Variants in SPATA7 observed in about 807,000 individuals in gnomAD.
SPATA7 encodes spermatogenesis-associated protein 7.
A neutral mutation model predicts 51.8 loss-of-function variants in SPATA7; 43 were observed. The ratio of observed to expected loss-of-function variants is 0.83; its 90% CI spans 0.65 to 1.07. The LOEUF (loss-of-function observed/expected upper bound fraction) is 1.07, where lower values mean the gene tolerates loss of function less well. Among genes scored for constraint, SPATA7 ranks in the 50% least tolerant of loss-of-function variants. The pLI is 0.00. For synonymous variants in SPATA7, 230 were observed against 252.8 expected (o/e 0.91, Z 0.86); for missense variants, 683 against 701.3 (o/e 0.97, Z 0.30).
chr14:88,435,823 CATTT>C (rs2077071770), intron 10 of SPATA7, among the ~76,000 whole-genome samples: 1 of 152,080 alleles, frequency 6.6e-6, no homozygotes, highest in Admixed American at 6.6e-5. Flanking sequence ...TTTATCCATT[CATTT>C]GTTAATGGAC....
intron 5 of SPATA7, among the ~76,000 whole-genome samples, chr14:88,419,248 C>G (rs1289652782): frequency 1.3e-5 from 2 of 151,952 alleles, no homozygotes; most frequent in Non-Finnish European, 2.9e-5. Context: ...ATTAGAGATA[C>G]AGAATACAGA....
downstream of SPATA7, among the ~76,000 whole-genome samples, chr14:88,439,539 A>C (rs762827693): frequency 6.6e-6 from 1 of 152,214 alleles, no homozygotes; most frequent in Admixed American, 6.5e-5. Flanking sequence ...TTTATAAGCT[A>C]TATTTTAATT....
At chr14:88,456,625 C>A (rs1167169283), downstream of SPATA7, among the ~76,000 whole-genome samples, 1 of 148,072 alleles carries the variant, frequency 6.8e-6, no homozygotes, top group Admixed American at 6.6e-5. Flanking sequence ...TGGATATTAG[C>A]CCTTTGTCAG....
At chr14:88,423,248 T>C (rs1412315582) in intron 5 of SPATA7, among the ~76,000 whole-genome samples, 2 of 151,608 alleles carry the variant, frequency 1.3e-5, no homozygotes, top group African/African-American at 4.8e-5. Flanking sequence ...TGAATAAATC[T>C]AGAAAAGAGG....
At chr14:88,438,466 C>A, downstream of SPATA7, 2 of 1,375,170 alleles carry the variant, frequency 1.5e-6, no homozygotes, top group Non-Finnish European at 2.1e-6. Flanking sequence ...CTCAATATTA[C>A]TTTTCTTCCT....
At chr14:88,455,563 CCCATTAAATATACACA>C (rs534157383), downstream of SPATA7, among the ~76,000 whole-genome samples, 278 of 152,174 alleles carry the variant, frequency 1.8e-3, no homozygotes, top group African/African-American at 6.7e-3. Context: ...AGCCTTTTTG[CCCATTAAATATACACA>C]CCTTTACAAA....
chr14:88,460,812 GCT>G (rs540216629), intron 4 of SPATA7, among the ~76,000 whole-genome samples: 1 of 152,150 alleles, frequency 6.6e-6, no homozygotes, highest in Non-Finnish European at 1.5e-5. Context: ...CAGCTTTTCT[GCT>G]CTCTTTTTTC....
chr14:88,453,920 A>T (rs1182766285), intron 3 of SPATA7, among the ~76,000 whole-genome samples: 1 of 152,228 alleles, frequency 6.6e-6, no homozygotes, highest in Admixed American at 6.5e-5. Context: ...ACCAAGGCTA[A>T]GCTTGTTGCC....
At chr14:88,444,727 T>A (rs1051367658) in intron 3 of SPATA7, among the ~76,000 whole-genome samples, 14 of 152,162 alleles carry the variant, frequency 9.2e-5, no homozygotes, top group Non-Finnish European at 1.8e-4. Flanking sequence ...CCCAGCACCA[T>A]TTATTAAATA....
Position 88,427,661 on chromosome 14 carries a change from A to G in SPATA7, c.877A>G (p.Lys293Glu). ...ATCTGAGTTGGGGACAGCTGAGACT[A>G]AAAACATGACAGATTCAGAAATGAA... ...FKSELGTAET[K>E]NMTDSEMNIK... The change falls in exon 7 of 12, where the codon AAA becomes GAA. Residue 293 changes from lysine (K) to glutamate (E), a missense_variant. Transcript: ENST00000393545. 1 of 1,609,656 alleles carries G rather than the reference A, an allele frequency of 6.2e-7. No individual in the cohort carries two copies. Among genetic ancestry groups the G allele is most frequent in the Non-Finnish European group, 8.5e-7 (1 of 1,176,454 alleles).
chr14:88,416,372 C>T (rs1373756969), intron 4 of SPATA7: 1 of 205,802 alleles, frequency 4.9e-6, no homozygotes, highest in Non-Finnish European at 9.5e-6. Context: ...TTCTTATGCC[C>T]TTAGGCTTGG....
chr14:88,460,267 T>C (rs2077309191), downstream of SPATA7, among the ~76,000 whole-genome samples: 1 of 152,194 alleles, frequency 6.6e-6, no homozygotes, highest in Non-Finnish European at 1.5e-5. Context: ...CCTTGCTAGG[T>C]TGGGGAAGTT....
intron 3 of SPATA7, 180 bp downstream of exon 3, chr14:88,393,668 G>T: frequency 5.9e-6 from 3 of 509,196 alleles, no homozygotes; most frequent in Non-Finnish European, 1.1e-5. Context: ...ACCCATTTTT[G>T]TTAACTATAT....
intron 4 of SPATA7, among the ~76,000 whole-genome samples, chr14:88,415,493 G>T (rs901348218): frequency 3.4e-5 from 5 of 147,882 alleles, no homozygotes; most frequent in South Asian, 2.1e-4. Flanking sequence ...CTTGTTTTTT[G>T]TTTTTTTTTA....
intron 4 of SPATA7, among the ~76,000 whole-genome samples, chr14:88,412,515 G>T (rs10146145): frequency 6.6e-6 from 1 of 152,186 alleles, no homozygotes; most frequent in African/African-American, 2.4e-5. Flanking sequence ...CCTGCTTTAT[G>T]TTCGCTCGCA....
downstream of SPATA7, among the ~76,000 whole-genome samples, chr14:88,443,343 T>C (rs993910946): frequency 6.6e-6 from 1 of 152,322 alleles, no homozygotes; most frequent in Admixed American, 6.5e-5. Context: ...AGGAGGGTTG[T>C]ATATTTCCAG....
At chr14:88,407,616 A>T (rs2076232697) in intron 4 of SPATA7, among the ~76,000 whole-genome samples, 1 of 152,116 alleles carries the variant, frequency 6.6e-6, no homozygotes, top group Non-Finnish European at 1.5e-5. Flanking sequence ...GTTTAATTAG[A>T]TCCCATTTGT....
rs111331649 is a variant in SPATA7, at chr14:88,404,641, C to T, written c.238+8438C>T. On this transcript the variant is annotated intron_variant, in intron 4 of 11. Coordinates refer to ENST00000393545, the MANE Select transcript of SPATA7 (RefSeq NM_018418.5). ...CTGAGACATGAGAATCACTTGAACC[C>T]GGGAGGGGGAGGTTGCAGTGAGCCA... 2.3e-3 allele frequency among the ~76,000 whole-genome samples: 352 copies of T among 152,142 alleles called. 4 individuals carry two copies. The highest frequency in any genetic ancestry group is 7.9e-3 in the African/African-American group (327 of 41,506).
At chr14:88,447,336 GGTA>G (rs2077220745) in intron 3 of SPATA7, among the ~76,000 whole-genome samples, 1 of 149,286 alleles carries the variant, frequency 6.7e-6, no homozygotes, top group African/African-American at 2.5e-5. Flanking sequence ...CCATTTGCTT[GGTA>G]GATCTTCCTC....
Sources: allele counts gnomAD v4.1 joint callset (sites outside exome capture counted in the v4.1 genomes callset), GRCh38; gene constraint gnomAD v4.1.1; transcripts MANE v1.5; gene names NCBI Gene and HGNC (gene_info 2026-07-23, HGNC 2026-07-21).